ANXA8: variants seen among roughly 807,000 people sequenced by gnomAD.
ANXA8 encodes annexin A8, also known as VAC-beta.
A neutral mutation model predicts 26.8 loss-of-function variants in ANXA8; 9 were observed. The ratio of observed to expected loss-of-function variants is 0.34; its 90% CI spans 0.20 to 0.59. ANXA8 has a LOEUF of 0.59. Among genes scored for constraint, ANXA8 ranks in the 20% least tolerant of loss-of-function variants. The pLI is 0.84. For synonymous variants in ANXA8, 39 were observed against 94.8 expected (o/e 0.41, Z 3.42); for missense variants, 83 against 238.5 (o/e 0.35, Z 4.29).
the ANXA8 span, among the ~76,000 whole-genome samples, chr10:47,591,524 A>T: frequency 6.0e-5 from 8 of 133,020 alleles, no homozygotes; most frequent in Admixed American, 6.0e-4. Flanking sequence ...GCTCACTGCA[A>T]GCTCCACCTC....
chr10:47,737,002 T>C, the ANXA8 span, among the ~76,000 whole-genome samples: 1 of 151,426 alleles, frequency 6.6e-6, no homozygotes, highest in Admixed American at 6.6e-5. Context: ...TTGCTTCATA[T>C]GCTTATCAGT....
the ANXA8 span, among the ~76,000 whole-genome samples, chr10:47,664,582 T>A: frequency 2.0e-5 from 3 of 150,782 alleles, no homozygotes; most frequent in Non-Finnish European, 1.5e-5. Context: ...ATAATAATAA[T>A]AATAATAATA....
chr10:47,659,075 G>A, the ANXA8 span, among the ~76,000 whole-genome samples: 1 of 151,826 alleles, frequency 6.6e-6, no homozygotes, highest in Middle Eastern at 3.2e-3. Context: ...GTTTCACCGT[G>A]TTAGCTAGGA....
At chr10:47,895,358 C>T in the ANXA8 span, among the ~76,000 whole-genome samples, 1 of 151,446 alleles carries the variant, frequency 6.6e-6, no homozygotes, top group South Asian at 2.1e-4. Flanking sequence ...TTAGACCCAT[C>T]CTGTGCTCAA....
At chr10:47,506,475 C>G in the ANXA8 span, among the ~76,000 whole-genome samples, 1 of 137,450 alleles carries the variant, frequency 7.3e-6, no homozygotes, top group Non-Finnish European at 1.5e-5. Flanking sequence ...GGACTACAGG[C>G]ATGCACCACC....
chr10:47,693,394 A>G, the ANXA8 span, among the ~76,000 whole-genome samples: 639 of 149,588 alleles, frequency 4.3e-3, 3 homozygotes, highest in South Asian at 8.6e-3. Flanking sequence ...GGTTCACGCC[A>G]TTTTCCTGCC....
At chr10:47,776,468 C>T in the ANXA8 span, among the ~76,000 whole-genome samples, 4 of 151,292 alleles carry the variant, frequency 2.6e-5, no homozygotes, top group Non-Finnish European at 5.9e-5. Context: ...GGGATGTTCT[C>T]GGGAACTTGC....
the ANXA8 span, among the ~76,000 whole-genome samples, chr10:47,659,277 T>C: frequency 6.6e-6 from 1 of 151,888 alleles, no homozygotes; most frequent in African/African-American, 2.4e-5. Flanking sequence ...TAATATTCTT[T>C]TCAAGTACGT....
At chr10:47,741,781 G>A in the ANXA8 span, among the ~76,000 whole-genome samples, 56 of 151,082 alleles carry the variant, frequency 3.7e-4, no homozygotes, top group African/African-American at 1.3e-3. Context: ...TTAAATGGAT[G>A]AATCATATAT....
chr10:47,687,293 C>G, the ANXA8 span, among the ~76,000 whole-genome samples: 4 of 148,564 alleles, frequency 2.7e-5, no homozygotes, highest in Admixed American at 2.7e-4. Context: ...GACAGAGTCT[C>G]ACTCTGTCAC....
chr10:47,768,869 G>A, the ANXA8 span, among the ~76,000 whole-genome samples: 6 of 151,296 alleles, frequency 4.0e-5, no homozygotes, highest in African/African-American at 1.5e-4. Context: ...CCAAAGGTTT[G>A]TGGATCTTGG....
chr10:47,651,043 G>A, the ANXA8 span, among the ~76,000 whole-genome samples: 2 of 151,186 alleles, frequency 1.3e-5, 1 homozygote, highest in African/African-American at 4.9e-5. Context: ...GACCAGCCTG[G>A]GCAACATAGG....
At chr10:47,718,229 G>T in the ANXA8 span, among the ~76,000 whole-genome samples, 5 of 151,616 alleles carry the variant, frequency 3.3e-5, no homozygotes, top group African/African-American at 1.2e-4. Context: ...CCAGCATTCT[G>T]GGAGGCCAAG....
chr10:47,688,016 C>T, the ANXA8 span, among the ~76,000 whole-genome samples: 1 of 151,744 alleles, frequency 6.6e-6, no homozygotes, highest in Non-Finnish European at 1.5e-5. Flanking sequence ...AGGAGAATTG[C>T]TTGAACCTGG....
At chr10:47,592,724 T>TTTG in the ANXA8 span, among the ~76,000 whole-genome samples, 8 of 145,326 alleles carry the variant, frequency 5.5e-5, 1 homozygote, top group African/African-American at 1.9e-4. Context: ...TGAGCTGAGA[T>TTTG]TTGTAACCTA....
At chr10:47,697,256 C>T in the ANXA8 span, among the ~76,000 whole-genome samples, 1 of 152,242 alleles carries the variant, frequency 6.6e-6, no homozygotes, top group African/African-American at 2.4e-5. Flanking sequence ...ACCTTTATCT[C>T]CTTTTCTGTG....
At chr10:47,698,638 G>A in the ANXA8 span, among the ~76,000 whole-genome samples, 8 of 152,172 alleles carry the variant, frequency 5.3e-5, no homozygotes, top group African/African-American at 1.9e-4. Flanking sequence ...CCAGGAGCTC[G>A]ACACCAGCCT....
the ANXA8 span, among the ~76,000 whole-genome samples, chr10:47,957,318 G>A: frequency 2.5e-4 from 37 of 150,478 alleles, 3 homozygotes; most frequent in Middle Eastern, 3.4e-3. Context: ...GCTAGCCTCC[G>A]GATGCTGCTG....
chr10:47,677,381 T>A, the ANXA8 span, among the ~76,000 whole-genome samples: 2 of 152,018 alleles, frequency 1.3e-5, no homozygotes. Context: ...ATTCTCCTAC[T>A]GTAAACAGCT....
Sources: allele counts gnomAD v4.1 joint callset (sites outside exome capture counted in the v4.1 genomes callset), GRCh38; gene constraint gnomAD v4.1.1; transcripts MANE v1.5; gene names NCBI Gene and HGNC (gene_info 2026-07-23, HGNC 2026-07-21).